The following SORCS3 variants were observed in gnomAD, a reference collection of about 807,000 sequenced individuals.
The protein encoded by SORCS3 is sortilin related VPS10 domain containing receptor 3, also known as VPS10 domain-containing receptor SorCS3.
SORCS3 carries 57 observed loss-of-function variants against 146.3 expected under a neutral mutation model. The observed-to-expected ratio is 0.39, with a 90% CI of 0.31 to 0.49. SORCS3 has a LOEUF of 0.49. Among genes scored for constraint, SORCS3 ranks in the 20% least tolerant of loss-of-function variants. The pLI is 0.92. For synonymous variants in SORCS3, 653 were observed against 618.5 expected (o/e 1.06, Z -0.83); for missense variants, 1,341 against 1,575.5 (o/e 0.85, Z 2.52).
At chr10:104,975,120 G>T (rs2054887247) in intron 3 of SORCS3, among the ~76,000 whole-genome samples, 1 of 152,078 alleles carries the variant, frequency 6.6e-6, no homozygotes, top group African/African-American at 2.4e-5. Context: ...AAGTCAAATT[G>T]TCCTTGTTTG....
At chr10:104,680,489 G>A (rs1240703506) in intron 1 of SORCS3, among the ~76,000 whole-genome samples, 1 of 152,210 alleles carries the variant, frequency 6.6e-6, no homozygotes, top group Non-Finnish European at 1.5e-5. Flanking sequence ...TCCCCCGTGT[G>A]GACTCTGAAG....
At chr10:104,727,222 A>G (rs577751169) in intron 1 of SORCS3, among the ~76,000 whole-genome samples, 1 of 152,354 alleles carries the variant, frequency 6.6e-6, no homozygotes, top group Admixed American at 6.5e-5. Flanking sequence ...TGAATAAATT[A>G]CGTAGTTGTA....
intron 3 of SORCS3, among the ~76,000 whole-genome samples, chr10:104,925,976 A>ACTTT (rs1317847767): frequency 2.6e-5 from 4 of 152,240 alleles, no homozygotes; most frequent in Non-Finnish European, 5.9e-5. Context: ...GAAATGAGCT[A>ACTTT]CAGAAACAGA....
At chr10:104,972,954 A>G (rs1357978190) in intron 3 of SORCS3, among the ~76,000 whole-genome samples, 1 of 152,156 alleles carries the variant, frequency 6.6e-6, no homozygotes, top group Non-Finnish European at 1.5e-5. Context: ...TGAGATAATC[A>G]TGTGGTTTTT....
rs57854172 is a variant in SORCS3, at chr10:105,064,180, C to T, written c.1028+21052C>T. On this transcript the variant is annotated intron_variant, in intron 5 of 26. Transcript: ENST00000369701. ...GTGTAGCAAGGAAACAGGAAGAAAT[C>T]AAATAATCAGACAATTAAAGTTGTG... 3.9e-5 allele frequency among the ~76,000 whole-genome samples: 6 copies of T among 152,260 alleles called. 1 individual carries two copies. Among genetic ancestry groups the T allele is most frequent in the Middle Eastern group, 6.8e-3 (2 of 294 alleles).
intron 1 of SORCS3, chr10:104,665,698 G>A (rs992513821): frequency 6.6e-6 from 1 of 152,342 alleles, no homozygotes; most frequent in African/African-American, 2.4e-5. Context: ...ATTGTGTAGT[G>A]CTCCTTAGTA....
intron 1 of SORCS3, among the ~76,000 whole-genome samples, chr10:104,678,624 G>A (rs925572414): frequency 6.6e-6 from 1 of 152,176 alleles, no homozygotes. Context: ...TGCCCCTACT[G>A]TTAGCCTCCT....
At chr10:105,258,615 T>G (rs1223669592) in intron 25 of SORCS3, among the ~76,000 whole-genome samples, 1 of 151,840 alleles carries the variant, frequency 6.6e-6, no homozygotes, top group Non-Finnish European at 1.5e-5. Flanking sequence ...ACTTATACTG[T>G]GACTTGGAAA....
At chr10:104,906,270 T>A (rs558048546) in intron 2 of SORCS3, among the ~76,000 whole-genome samples, 2 of 152,310 alleles carry the variant, frequency 1.3e-5, no homozygotes, top group African/African-American at 4.8e-5. Context: ...TTCCCTGGAC[T>A]TTAATTTGTT....
Position 104,725,663 on chromosome 10 carries a change from G to T in SORCS3, c.627+83709G>T, listed in dbSNP as rs2016619670. Among the ~76,000 whole-genome samples the T allele has an allele frequency of 2.0e-5, 3 of 152,200 alleles. No individual in the cohort carries two copies. The South Asian group carries it at 6.2e-4, about 32-fold the overall frequency. ...CTGGCTGCTTTGTTTACCTACTCAAGCCTCGGCAATGGCGGGTGACCCTCC... is the reference window on the plus strand; with the variant it reads ...CTGGCTGCTTTGTTTACCTACTCAATCCTCGGCAATGGCGGGTGACCCTCC... On this transcript the variant is annotated intron_variant, in intron 1 of 26. Coordinates refer to ENST00000369701, the MANE Select transcript of SORCS3 (RefSeq NM_014978.3).
At chr10:105,079,126 C>T (rs1040916667) in intron 5 of SORCS3, among the ~76,000 whole-genome samples, 2 of 152,156 alleles carry the variant, frequency 1.3e-5, no homozygotes, top group African/African-American at 4.8e-5. Context: ...GGGCCCCACC[C>T]AGACCTCCAG....
chr10:104,995,160 TTC>T (rs1444674535), intron 4 of SORCS3, among the ~76,000 whole-genome samples: 92 of 145,706 alleles, frequency 6.3e-4, no homozygotes, highest in African/African-American at 2.5e-3. Flanking sequence ...CTTTCTTTCT[TTC>T]TCTTTTTTTT....
At chr10:104,655,560 A>AT (rs2015618178) in intron 1 of SORCS3, among the ~76,000 whole-genome samples, 2 of 152,206 alleles carry the variant, frequency 1.3e-5, no homozygotes, top group South Asian at 4.1e-4. Flanking sequence ...AACCACAGCA[A>AT]TAGCCAATTA....
At chr10:105,190,065 G>A (rs933134969) in intron 14 of SORCS3, among the ~76,000 whole-genome samples, 68 of 152,272 alleles carry the variant, frequency 4.5e-4, no homozygotes, top group African/African-American at 1.6e-3. Flanking sequence ...AGGCTATTAG[G>A]AGCTGGAGGT....
intron 1 of SORCS3, among the ~76,000 whole-genome samples, chr10:104,762,189 C>T (rs10884042): frequency 0.39 from 58,560 of 152,016 alleles, 11,630 homozygotes; most frequent in South Asian, 0.49. Context: ...CCTCCCTGTT[C>T]ACCCCAGTTT....
At chr10:104,887,045 G>A (rs2018696056) in intron 2 of SORCS3, among the ~76,000 whole-genome samples, 2 of 152,196 alleles carry the variant, frequency 1.3e-5, no homozygotes, top group South Asian at 4.1e-4. Context: ...CTAAAGTATA[G>A]TAGGGAAAAT....
chr10:104,671,962 G>A (rs1030400639), intron 1 of SORCS3, among the ~76,000 whole-genome samples: 7 of 152,098 alleles, frequency 4.6e-5, no homozygotes, highest in Non-Finnish European at 7.4e-5. Context: ...GACTGGCTTT[G>A]GTATCAGGGT....
chr10:105,164,466 AT>A, intron 12 of SORCS3, 87 bp downstream of exon 12: 1 of 991,052 alleles, frequency 1.0e-6, no homozygotes. Flanking sequence ...TCTCAGCCTC[AT>A]TATGACTTTG....
intron 4 of SORCS3, among the ~76,000 whole-genome samples, chr10:104,986,669 T>C (rs2054963877): frequency 1.3e-5 from 2 of 152,168 alleles, no homozygotes; most frequent in Admixed American, 1.3e-4. Context: ...GGGCTATAAA[T>C]TGGCCTGATT....
Sources: allele counts gnomAD v4.1 joint callset (sites outside exome capture counted in the v4.1 genomes callset), GRCh38; gene constraint gnomAD v4.1.1; transcripts MANE v1.5; gene names NCBI Gene and HGNC (gene_info 2026-07-23, HGNC 2026-07-21).